Variants in NBPF9 observed in about 807,000 individuals in gnomAD.
NBPF9 encodes the protein NBPF family member NBPF9.
A neutral mutation model predicts 97.8 loss-of-function variants in NBPF9; 91 were observed. The observed-to-expected ratio is 0.93, with a 90% CI of 0.79 to 1.11. NBPF9 has a LOEUF of 1.11. NBPF9 is among the 50% of genes least tolerant of loss of function. The probability of loss-of-function intolerance (pLI) is 0.00; values close to 1 mark genes in which losing one functional copy is unlikely to be tolerated. For missense variants in NBPF9, 992 were observed against 939.5 expected (o/e 1.06, Z -0.73); for synonymous variants, 334 against 359.5 (o/e 0.93, Z 0.80).
chr1:149,060,221 AAACCC>A (rs2078510146), intron 24 of NBPF9: 1 of 183,686 alleles, frequency 5.4e-6, no homozygotes, highest in Non-Finnish European at 1.0e-5. Context: ...GGAAATCTAC[AAACCC>A]TTGAGTCAAA....
intron 17 of NBPF9, among the ~76,000 whole-genome samples, chr1:149,069,275 G>A (rs1183867081): frequency 1.3e-5 from 2 of 151,706 alleles, no homozygotes; most frequent in African/African-American, 4.8e-5. Context: ...TAAGATCAGA[G>A]CAGAACTAAA....
intron 8 of NBPF9, among the ~76,000 whole-genome samples, chr1:149,079,553 C>G (rs1348173407): frequency 6.7e-6 from 1 of 148,602 alleles, no homozygotes; most frequent in South Asian, 2.2e-4. Flanking sequence ...TGAAAATACA[C>G]ATAGTGCATC....
chr1:149,074,305 A>T (rs2079665120), intron 12 of NBPF9, among the ~76,000 whole-genome samples: 2 of 151,322 alleles, frequency 1.3e-5, no homozygotes, highest in Admixed American at 6.6e-5. Flanking sequence ...TTTCAAGGAC[A>T]AGTATGCGAA....
In NBPF9 at chr1:149,056,009, G is replaced by C. The variant is rs1216371882; in HGVS notation, c.3093-110C>G. ...AAGTGGTTAGAAAAGAAAAAGGATA[G>C]ATCCATTAATGAGGTAAAAAAAAAA... On this transcript the variant is annotated intron_variant, in intron 29 of 29. Coordinates refer to ENST00000584027, the Ensembl canonical transcript of NBPF9. 1.7e-5 allele frequency: 28 copies of C among 1,602,148 alleles called. No homozygotes were observed. The African/African-American group carries it at 3.0e-4, about 17-fold the overall frequency.
intron 5 of NBPF9, among the ~76,000 whole-genome samples, chr1:149,082,957 C>CTT (rs1157992196): frequency 0.25 from 16,799 of 65,990 alleles, 2,317 homozygotes; most frequent in Admixed American, 0.31. Flanking sequence ...TTTTTCTTTT[C>CTT]TTTTTTTTTT....
chr1:149,071,597 G>A lies in NBPF9; in HGVS notation c.1379+7C>T. ...TCCATTAATTGTTCCTGAGTATTCAGTGTTACCTGGGGGCAGACGATTTCT... is the reference window on the plus strand; with the variant it reads ...TCCATTAATTGTTCCTGAGTATTCAATGTTACCTGGGGGCAGACGATTTCT... On this transcript the variant is annotated splice_region_variant and intron_variant, in intron 15 of 29. Transcript: ENST00000584027. 4.7e-6 allele frequency: 6 copies of A among 1,263,446 alleles called. No homozygotes were observed. The highest frequency in any genetic ancestry group is 6.7e-6 in the Non-Finnish European group (6 of 896,102). The allele number at this position is 1,263,446 out of a possible 1,614,324, so 78.3% of individuals were successfully genotyped here.
chr1:149,095,251 C>T (rs1249249093), intron 4 of NBPF9, among the ~76,000 whole-genome samples: 1 of 151,114 alleles, frequency 6.6e-6, no homozygotes, highest in South Asian at 2.1e-4. Flanking sequence ...GGTGCTAGAA[C>T]AGCTGGACAA....
chr1:149,084,414 CAT>C (rs1246046524), intron 5 of NBPF9, among the ~76,000 whole-genome samples: 57 of 145,698 alleles, frequency 3.9e-4, no homozygotes, highest in East Asian at 1.4e-3. Context: ...ATATATATAA[CAT>C]GTGTATATAT....
chr1:149,081,481 T>C lies in NBPF9; in HGVS notation c.175+484A>G, dbSNP rs1446630692. 2.7e-3 allele frequency among the ~76,000 whole-genome samples: 409 copies of C among 151,364 alleles called. 2 individuals are homozygous for C. The highest frequency in any genetic ancestry group is 2.8e-3 in the Non-Finnish European group (188 of 67,812). ...ACAGGTTCTATTAGGAGCAGACTCC[T>C]CTTGAAGCCCCTCAGAGCAGGTACT... is the stretch of plus-strand genomic sequence containing the variant. On this transcript the variant is annotated intron_variant, in intron 7 of 29. Transcript: ENST00000584027.
chr1:149,063,993 G>GACGC (rs2078833407), intron 19 of NBPF9, among the ~76,000 whole-genome samples, 188 bp from the exon 20 acceptor site: 1 of 106,988 alleles, frequency 9.3e-6, no homozygotes, highest in Admixed American at 9.7e-5. Flanking sequence ...GAAAGAGAAA[G>GACGC]ACACACACAC....
intron 16 of NBPF9, among the ~76,000 whole-genome samples, chr1:149,070,216 G>C (rs1553652613): frequency 6.6e-6 from 1 of 151,056 alleles, no homozygotes; most frequent in African/African-American, 2.4e-5. Flanking sequence ...AGCAACTCAG[G>C]AGACTGAGGC....
At chr1:149,055,557 T>A (rs1403286335) in exon 30 of NBPF9, 14 of 1,563,692 alleles carry the variant, frequency 9.0e-6, no homozygotes, top group African/African-American at 5.5e-5. Flanking sequence ...ACCCATCCTA[T>A]GTCTGGGCTT....
At position 149,098,474 on chromosome 1, in the gene NBPF9, G is replaced by A. The variant is rs372140203; in HGVS notation, c.-373C>T. ...GGCAGCTCTTCATTTGGCCCACACC[G>A]TGTGAGGTTGCTCTTGGTGCACCGA... On this transcript the variant is annotated 5_prime_UTR_variant, in exon 4 of 30. It adds an upstream start codon to the 5' untranslated region. Transcript: ENST00000584027. 221 of 1,524,752 alleles carry A rather than the reference G, an allele frequency of 1.4e-4. No homozygotes were observed. Among genetic ancestry groups the A allele is most frequent in the Admixed American group, 4.1e-4 (21 of 51,604 alleles). The allele number at this position is 1,524,752 out of a possible 1,614,324, so 94.5% of individuals were successfully genotyped here.
Position 149,081,651 on chromosome 1 carries a change from T to C in NBPF9, c.175+314A>G, listed in dbSNP as rs587638406. Among the ~76,000 whole-genome samples the C allele has an allele frequency of 2.0e-5, 3 of 149,064 alleles. No individual in the cohort carries two copies. The Admixed American group carries it at 2.0e-4, about 10-fold the overall frequency. Reference sequence around the variant, plus strand: ...GATGTTATTTGTCTGCAGGATCTTATAAGGTACAGAGAGGATTCTTGAAAA... The same window carrying C: ...GATGTTATTTGTCTGCAGGATCTTACAAGGTACAGAGAGGATTCTTGAAAA... On this transcript the variant is annotated intron_variant, in intron 7 of 29. Transcript: ENST00000584027.
intron 15 of NBPF9, 139 bp from the exon 16 acceptor site, chr1:149,071,278 A>T (rs2079387646): frequency 1.4e-6 from 2 of 1,399,486 alleles, no homozygotes; most frequent in Admixed American, 1.8e-5. Flanking sequence ...TTAAGAGGGA[A>T]CAGGTAATCC....
In NBPF9 at chr1:149,072,702, C is replaced by T. The variant is rs782739020; in HGVS notation, c.1306+16G>A. The T allele has an allele frequency of 2.5e-6, 4 of 1,611,532 alleles. 1 individual carries two copies. Among genetic ancestry groups the T allele is most frequent in the Non-Finnish European group, 1.7e-6 (2 of 1,179,606 alleles). Reference sequence around the variant, plus strand: ...AGCCTGGGGTTTTGGGTCAACAGGGCCTATGGCCACCTTACCTGGGCTGAG... The same window carrying T: ...AGCCTGGGGTTTTGGGTCAACAGGGTCTATGGCCACCTTACCTGGGCTGAG... On this transcript the variant is annotated intron_variant, in intron 14 of 29. Transcript: ENST00000584027.
intron 7 of NBPF9, 138 bp from the exon 8 acceptor site, chr1:149,080,293 C>T: frequency 6.4e-6 from 4 of 626,522 alleles, no homozygotes; most frequent in Non-Finnish European, 1.1e-5. Flanking sequence ...ATTTCCACAT[C>T]TTTACTCTTC....
chr1:149,072,504 C>T (rs1553653174), intron 14 of NBPF9, among the ~76,000 whole-genome samples: 1 of 152,156 alleles, frequency 6.6e-6, no homozygotes, highest in Non-Finnish European at 1.5e-5. Context: ...AGACCACCTT[C>T]CATCAAGGGA....
intron 7 of NBPF9, among the ~76,000 whole-genome samples, chr1:149,080,821 A>C (rs1426798741): frequency 4.8e-5 from 7 of 146,404 alleles, no homozygotes; most frequent in Admixed American, 1.4e-4. Flanking sequence ...GTGCCAATTA[A>C]TGTTCAAGGA....
Sources: allele counts gnomAD v4.1 joint callset (sites outside exome capture counted in the v4.1 genomes callset), GRCh38; gene constraint gnomAD v4.1.1; transcripts MANE v1.5; gene names NCBI Gene and HGNC (gene_info 2026-07-23, HGNC 2026-07-21).